ANO2: variants seen among roughly 807,000 people sequenced by gnomAD.
ANO2 encodes anoctamin 2.
A neutral mutation model predicts 124.2 loss-of-function variants in ANO2; 101 were observed. That is an observed-to-expected ratio of 0.81 (90% CI 0.69 to 0.96). The LOEUF is 0.96. Ranked by LOEUF, ANO2 falls within the 40% of genes least tolerant of loss-of-function variation. ANO2 has a pLI of 0.00. For synonymous variants in ANO2, 486 were observed against 482.5 expected, an observed-to-expected ratio of 1.01 and a Z score of -0.09; for missense variants, 1,293 against 1,274.5, an observed-to-expected ratio of 1.01 and a Z score of -0.22.
intron 15 of ANO2, among the ~76,000 whole-genome samples, chr12:5,642,202 A>C (rs1946422509): frequency 6.6e-6 from 1 of 152,036 alleles, no homozygotes; most frequent in Non-Finnish European, 1.5e-5. Flanking sequence ...TCATGCTCCC[A>C]AACTTCAGCA....
chr12:5,866,065 T>G (rs1464500444), intron 3 of ANO2, among the ~76,000 whole-genome samples: 2 of 152,216 alleles, frequency 1.3e-5, no homozygotes, highest in African/African-American at 4.8e-5. Flanking sequence ...AATCCAAGCC[T>G]ATGCCCAATT....
At chr12:5,804,510 T>C (rs918201307) in intron 9 of ANO2, among the ~76,000 whole-genome samples, 1 of 152,208 alleles carries the variant, frequency 6.6e-6, no homozygotes, top group Non-Finnish European at 1.5e-5. Flanking sequence ...CGAAGCATCT[T>C]TCTGACATCA....
chr12:5,565,726 T>C (rs1387503445), intron 23 of ANO2, 63 bp from the exon 24 acceptor site: 1 of 1,364,006 alleles, frequency 7.3e-7, no homozygotes, highest in East Asian at 2.6e-5. Context: ...GGTCATTCTC[T>C]GGGTGAAACC....
At chr12:5,709,971 G>A (rs547532398) in intron 14 of ANO2, among the ~76,000 whole-genome samples, 54 of 152,352 alleles carry the variant, frequency 3.5e-4, no homozygotes, top group African/African-American at 1.1e-3. Context: ...CCTTGAACAC[G>A]CTTTGGGTGA....
chr12:5,830,830 T>C (rs77334751), intron 5 of ANO2, among the ~76,000 whole-genome samples: 2,403 of 152,300 alleles, frequency 0.016, 57 homozygotes, highest in African/African-American at 0.052. Context: ...TATGAAAACT[T>C]TGTGTAAAGA....
chr12:5,636,623 C>CACAT lies in ANO2; in HGVS notation c.1621-1277_1621-1276insATGT, dbSNP rs1320627124. Among the ~76,000 whole-genome samples, 44 of 149,936 alleles carry CACAT rather than the reference C, an allele frequency of 2.9e-4. No homozygotes were observed. Among genetic ancestry groups the CACAT allele is most frequent in the African/African-American group, 1.1e-3 (43 of 40,752 alleles). On this transcript the variant is annotated intron_variant, in intron 15 of 24. Transcript: ENST00000682330. The surrounding 1 kb of genome is among the most constrained non-coding windows in gnomAD (Gnocchi z 4.6). The stretch of plus-strand genomic sequence containing the variant: ...GCTGGACTACACACACACACACACA[C>CACAT]ACACACACACACACACACACACACA...
At chr12:5,577,809 T>A in intron 22 of ANO2, 146 bp downstream of exon 22, 1 of 716,246 alleles carries the variant, frequency 1.4e-6, no homozygotes, top group South Asian at 2.0e-5. Flanking sequence ...AAGGCATTTG[T>A]GAGCTGTTAA....
intron 16 of ANO2, among the ~76,000 whole-genome samples, chr12:5,624,086 AG>A (rs933915064): frequency 3.4e-4 from 52 of 152,198 alleles, no homozygotes; most frequent in Admixed American, 1.3e-3. Context: ...TTCCTAGCAC[AG>A]GGGGCCTATC....
In ANO2 at chr12:5,943,118, C is replaced by A. The variant is rs115930019; in HGVS notation, c.22+2078G>T. ...ATCCAGCAATCCCACTACTGGGCAT[C>A]TACCTAAAGAAAATGAAGTCATTAT... On this transcript the variant is annotated intron_variant, in intron 1 of 24. Coordinates refer to ENST00000682330, the MANE Select transcript of ANO2 (RefSeq NM_001364791.2). Among the ~76,000 whole-genome samples the A allele has an allele frequency of 7.1e-3, 1,080 of 152,276 alleles. 10 individuals are homozygous for A. The highest frequency in any genetic ancestry group is 0.024 in the African/African-American group (998 of 41,548).
chr12:5,836,960 T>C (rs1272935037), intron 4 of ANO2, among the ~76,000 whole-genome samples: 1 of 152,224 alleles, frequency 6.6e-6, no homozygotes, highest in East Asian at 1.9e-4. Flanking sequence ...CAGGATACTG[T>C]CCAAAATGTT....
chr12:5,830,349 C>T, intron 6 of ANO2, 86 bp downstream of exon 6: 3 of 1,365,792 alleles, frequency 2.2e-6, no homozygotes, highest in Non-Finnish European at 3.1e-6. Context: ...TGTGAGGTGG[C>T]AGGGAGGGTA....
intron 20 of ANO2, among the ~76,000 whole-genome samples, chr12:5,583,133 T>G (rs1247692501): frequency 1.3e-5 from 2 of 152,176 alleles, no homozygotes; most frequent in Non-Finnish European, 2.9e-5. Context: ...GACCTTATTT[T>G]CACCAGTTGT....
chr12:5,836,012 A>G (rs182702009), intron 4 of ANO2, among the ~76,000 whole-genome samples: 1 of 152,324 alleles, frequency 6.6e-6, no homozygotes, highest in Admixed American at 6.5e-5. Flanking sequence ...AATTAGTTTC[A>G]GAGTGGGAGG....
At chr12:5,587,828 C>A (rs906248131) in intron 20 of ANO2, among the ~76,000 whole-genome samples, 2 of 152,182 alleles carry the variant, frequency 1.3e-5, no homozygotes, top group Non-Finnish European at 2.9e-5. Flanking sequence ...CCCCATGCAC[C>A]TCCTCAGGCT....
intron 7 of ANO2, among the ~76,000 whole-genome samples, chr12:5,809,554 T>C (rs1259801805): frequency 1.3e-5 from 2 of 152,212 alleles, no homozygotes; most frequent in Non-Finnish European, 2.9e-5. Context: ...AGCTGGACTT[T>C]GCACGGTAGC....
At chr12:5,742,566 G>A (rs1195011851) in intron 12 of ANO2, among the ~76,000 whole-genome samples, 1 of 152,110 alleles carries the variant, frequency 6.6e-6, no homozygotes, top group Non-Finnish European at 1.5e-5. Context: ...GGCAGTTGTT[G>A]AAACTTGAAA....
At chr12:5,865,037 T>G (rs545063792) in intron 3 of ANO2, among the ~76,000 whole-genome samples, 1 of 152,334 alleles carries the variant, frequency 6.6e-6, no homozygotes, top group Admixed American at 6.5e-5. Flanking sequence ...TTTGCTACTT[T>G]TCTTCCAACC....
chr12:5,742,519 G>A (rs1951130895), intron 12 of ANO2, among the ~76,000 whole-genome samples: 1 of 152,094 alleles, frequency 6.6e-6, no homozygotes, highest in South Asian at 2.1e-4. Flanking sequence ...AGGGGTGGGA[G>A]GTAGCTGTTC....
intron 3 of ANO2, among the ~76,000 whole-genome samples, chr12:5,859,181 C>T (rs998450065): frequency 1.1e-4 from 17 of 152,172 alleles, no homozygotes; most frequent in Admixed American, 9.2e-4. Flanking sequence ...AACTTCAGTT[C>T]GTGTAAAATG....
Sources: gnomAD v4.1 joint callset for allele counts (sites outside exome capture counted in the v4.1 genomes callset) on GRCh38, gnomAD v4.1.1 for gene constraint, Gnocchi (gnomAD v3.1) non-coding constraint, MANE v1.5 for transcripts, NCBI Gene and HGNC (gene_info 2026-07-23, HGNC 2026-07-21) for gene names.